Variants in CTNNA2 observed in about 807,000 individuals in gnomAD.
The protein encoded by CTNNA2 is catenin alpha 2, also known as catenin alpha-2.
In CTNNA2, 42 loss-of-function variants were observed where a neutral mutation model predicts 101.0. The ratio of observed to expected loss-of-function variants is 0.42; its 90% confidence interval spans 0.32 to 0.54. The LOEUF (loss-of-function observed/expected upper bound fraction) is 0.54. CTNNA2 is among the 20% of genes least tolerant of loss of function. The pLI, the probability that CTNNA2 is intolerant of heterozygous loss-of-function variation, is 0.14. For missense variants in CTNNA2, 871 were observed against 1,223.1 expected, an observed-to-expected ratio of 0.71 and a Z score of 4.29; for synonymous variants, 450 against 456.4, an observed-to-expected ratio of 0.99 and a Z score of 0.18.
intron 17 of CTNNA2, among the ~76,000 whole-genome samples, chr2:80,614,978 A>AT (rs11380184): frequency 0.26 from 38,265 of 149,866 alleles, 6,852 homozygotes; most frequent in African/African-American, 0.52. Context: ...ATGCATTGTG[A>AT]TTTTTTTTTT....
At chr2:80,261,358 C>T (rs1034532846) in intron 7 of CTNNA2, among the ~76,000 whole-genome samples, 3 of 151,984 alleles carry the variant, frequency 2.0e-5, no homozygotes, top group Admixed American at 1.3e-4. Context: ...TTATTGACTT[C>T]TGCTTGCTGG....
chr2:80,217,020 C>T lies in CTNNA2; in HGVS notation c.1057-176191C>T, dbSNP rs548652197. On this transcript the variant is annotated intron_variant, in intron 7 of 18. Transcript: ENST00000402739. ...AACCAGCTAATTTTTGTACTAGAGA[C>T]GGAATTTCACCATGTTGGCCAGGCT... 1.5e-3 allele frequency among the ~76,000 whole-genome samples: 230 copies of T among 151,908 alleles called. 3 individuals carry two copies. Among genetic ancestry groups the T allele is most frequent in the East Asian group, 9.8e-4 (5 of 5,122 alleles).
At chr2:80,219,107 A>G (rs948867119) in intron 7 of CTNNA2, among the ~76,000 whole-genome samples, 35 of 152,214 alleles carry the variant, frequency 2.3e-4, no homozygotes, top group Admixed American at 1.2e-3. Flanking sequence ...AAGAAAGAAA[A>G]AAAGCCAGGA....
intron 7 of CTNNA2, among the ~76,000 whole-genome samples, chr2:80,185,876 T>C (rs1179090507): frequency 6.6e-6 from 1 of 152,218 alleles, no homozygotes; most frequent in Non-Finnish European, 1.5e-5. Flanking sequence ...GGTTTATTTA[T>C]GCCACCATGA....
At chr2:79,756,540 A>G (rs959084711) in intron 3 of CTNNA2, among the ~76,000 whole-genome samples, 1 of 152,214 alleles carries the variant, frequency 6.6e-6, no homozygotes, top group African/African-American at 2.4e-5. Context: ...TGAAACAACC[A>G]AAAGCATGAT....
intron 7 of CTNNA2, among the ~76,000 whole-genome samples, chr2:80,119,145 T>C (rs1701690357): frequency 6.6e-6 from 1 of 152,198 alleles, no homozygotes; most frequent in African/African-American, 2.4e-5. Flanking sequence ...CTCATAGGCT[T>C]GATCTTTAGG....
intron 18 of CTNNA2, among the ~76,000 whole-genome samples, chr2:80,634,043 C>G (rs1672584594): frequency 6.6e-6 from 1 of 152,118 alleles, no homozygotes; most frequent in Admixed American, 6.6e-5. Flanking sequence ...GCATTGTGCC[C>G]TAGCTTTGTG....
chr2:80,438,540 G>A (rs1682257478), intron 9 of CTNNA2, among the ~76,000 whole-genome samples: 1 of 152,108 alleles, frequency 6.6e-6, no homozygotes, highest in South Asian at 2.1e-4. Context: ...GCACACCCCA[G>A]AGATGAATTT....
chr2:79,291,516 G>C lies in CTNNA2; in HGVS notation c.-405-21193G>C, dbSNP rs1420516319. 2.0e-5 allele frequency among the ~76,000 whole-genome samples: 3 copies of C among 152,080 alleles called. No homozygotes were observed. In the South Asian group the frequency reaches 6.2e-4, roughly 32 times the overall value. On this transcript the variant is annotated intron_variant, in intron 2 of 21. Coordinates refer to the CTNNA2 transcript ENST00000466387. ...AAATTGCCAGGCATCCACTTCCCCT[G>C]TTCTTCCTTTCTTTCATTTCCTCCC...
chr2:80,111,640 C>T (rs1163770270), intron 7 of CTNNA2, among the ~76,000 whole-genome samples: 1 of 152,114 alleles, frequency 6.6e-6, no homozygotes, highest in Non-Finnish European at 1.5e-5. Flanking sequence ...CTCCTGGGCT[C>T]AAGCAATCCT....
At chr2:79,347,849 A>T (rs1440862119) in intron 3 of CTNNA2, among the ~76,000 whole-genome samples, 1 of 150,424 alleles carries the variant, frequency 6.6e-6, no homozygotes. Context: ...GCAGCCAAGA[A>T]CTAGTGACCA....
chr2:80,287,823 A>T (rs893512189), intron 7 of CTNNA2, among the ~76,000 whole-genome samples: 8 of 152,214 alleles, frequency 5.3e-5, no homozygotes, highest in African/African-American at 1.9e-4. Flanking sequence ...CACAAGTGTC[A>T]TCTCATGATA....
chr2:80,359,773 G>T (rs1674215562), intron 7 of CTNNA2, among the ~76,000 whole-genome samples: 1 of 152,094 alleles, frequency 6.6e-6, no homozygotes, highest in Admixed American at 6.6e-5. Flanking sequence ...GGACTAATAT[G>T]CTGTCTTAAT....
chr2:79,682,136 C>T (rs916608472), intron 2 of CTNNA2, among the ~76,000 whole-genome samples: 7 of 151,996 alleles, frequency 4.6e-5, no homozygotes, highest in African/African-American at 1.4e-4. Flanking sequence ...TGGCCAGGCG[C>T]GGTGGCTCAC....
chr2:79,474,149 C>T (rs547712658), intron 4 of CTNNA2, among the ~76,000 whole-genome samples: 30 of 152,172 alleles, frequency 2.0e-4, no homozygotes, highest in African/African-American at 6.5e-4. Context: ...ACACCAATGA[C>T]ATAAATGAAA....
intron 1 of CTNNA2, among the ~76,000 whole-genome samples, chr2:79,595,855 C>A (rs1677156540): frequency 6.6e-6 from 1 of 151,332 alleles, no homozygotes; most frequent in Non-Finnish European, 1.5e-5. Context: ...TAGATGGTTT[C>A]CAACTGCCTT....
At chr2:79,634,058 T>C (rs1679860754) in intron 1 of CTNNA2, among the ~76,000 whole-genome samples, 1 of 152,240 alleles carries the variant, frequency 6.6e-6, no homozygotes. Context: ...ATGGATTCTT[T>C]TAAGCTCATA....
At chr2:79,520,499 T>G (rs1583148) in intron 1 of CTNNA2, among the ~76,000 whole-genome samples, 112,336 of 152,016 alleles carry the variant, frequency 0.74, 41,867 homozygotes, top group African/African-American at 0.84. Context: ...TAAAAGAAAA[T>G]ATGCATTAGA....
chr2:79,826,847 G>T (rs1451523391), intron 3 of CTNNA2, among the ~76,000 whole-genome samples: 1 of 152,074 alleles, frequency 6.6e-6, no homozygotes, highest in Non-Finnish European at 1.5e-5. Flanking sequence ...TTAAAGAGTG[G>T]TATAATTCAA....
Sources: allele counts gnomAD v4.1 joint callset (sites outside exome capture counted in the v4.1 genomes callset), GRCh38; gene constraint gnomAD v4.1.1; transcripts MANE v1.5; gene names NCBI Gene and HGNC (gene_info 2026-07-23, HGNC 2026-07-21).